PRKN: variants seen among roughly 807,000 people sequenced by gnomAD.
The protein encoded by PRKN is parkin RBR E3 ubiquitin protein ligase.
Under a neutral mutation model 59.5 loss-of-function variants are expected in PRKN, and 56 were observed. The observed-to-expected ratio is 0.94, with a 90% CI of 0.76 to 1.18. The LOEUF (loss-of-function observed/expected upper bound fraction) is 1.18, where lower values mean the gene tolerates loss of function less well. Ranked by LOEUF, PRKN falls within the 50% of genes most tolerant of loss-of-function variation. PRKN has a pLI of 0.00. For synonymous variants in PRKN, 250 were observed against 222.1 expected, an observed-to-expected ratio of 1.13 and a Z score of -1.12; for missense variants, 657 against 596.4, an observed-to-expected ratio of 1.10 and a Z score of -1.06.
At chr6:162,622,272 T>A (rs1338817468) in intron 1 of PRKN, among the ~76,000 whole-genome samples, 1 of 151,778 alleles carries the variant, frequency 6.6e-6, no homozygotes, top group African/African-American at 2.4e-5. Context: ...TTTACAGCTA[T>A]TATTTCCTTT....
intron 6 of PRKN, among the ~76,000 whole-genome samples, chr6:161,836,730 A>G (rs1792771973): frequency 1.3e-5 from 2 of 152,174 alleles, no homozygotes; most frequent in Non-Finnish European, 2.9e-5. Context: ...TGCAAACTAG[A>G]AGCCCCTCGT....
At chr6:162,275,865 T>C (rs1002436159) in intron 2 of PRKN, among the ~76,000 whole-genome samples, 7 of 152,126 alleles carry the variant, frequency 4.6e-5, no homozygotes, top group African/African-American at 7.2e-5. Flanking sequence ...TTGGTGGTTA[T>C]CTATAGCTAA....
chr6:161,598,397 G>C (rs149950686), intron 7 of PRKN, among the ~76,000 whole-genome samples: 2 of 152,288 alleles, frequency 1.3e-5, no homozygotes, highest in Admixed American at 6.5e-5. Flanking sequence ...AATTATAAGA[G>C]AGAGAAAAGA....
intron 6 of PRKN, among the ~76,000 whole-genome samples, chr6:161,929,380 T>G (rs1366015838): frequency 6.6e-6 from 1 of 152,148 alleles, no homozygotes; most frequent in Non-Finnish European, 1.5e-5. Context: ...AACTGCTTAA[T>G]GTGTATGGAG....
rs1272633874 is a variant in PRKN, at chr6:161,499,991, G to T, written c.1083+48863C>A. On this transcript the variant is annotated intron_variant, in intron 9 of 11. Coordinates refer to ENST00000366898, the MANE Select transcript of PRKN (RefSeq NM_004562.3). This position sits in a 1 kb window ranked among gnomAD's most constrained non-coding sequence, Gnocchi z 4.2. ...CTCACTCTCCTCCTTCCCCACTTTT[G>T]TTCATGCAGTGTCTTTGCCAAAAGT... Among the ~76,000 whole-genome samples the T allele has an allele frequency of 6.6e-6, 1 of 152,098 alleles. No homozygotes were observed. The highest frequency in any genetic ancestry group is 2.4e-5 in the African/African-American group (1 of 41,406).
At chr6:162,521,650 T>A (rs1778081642) in intron 1 of PRKN, among the ~76,000 whole-genome samples, 1 of 152,164 alleles carries the variant, frequency 6.6e-6, no homozygotes, top group Non-Finnish European at 1.5e-5. Context: ...ATTTACATTA[T>A]AAGCATATTA....
chr6:162,061,783 C>A (rs1778116173), intron 4 of PRKN, among the ~76,000 whole-genome samples: 1 of 152,108 alleles, frequency 6.6e-6, no homozygotes, highest in Admixed American at 6.5e-5. Context: ...CTCTTAAACC[C>A]TGAGACTGCA....
intron 7 of PRKN, among the ~76,000 whole-genome samples, chr6:161,746,234 C>T (rs1275156934): frequency 2.0e-5 from 3 of 152,148 alleles, no homozygotes; most frequent in Non-Finnish European, 4.4e-5. Context: ...CATTGTGCCA[C>T]ACTGCCTTCT....
At chr6:161,936,245 T>C (rs1562401606) in intron 6 of PRKN, among the ~76,000 whole-genome samples, 1 of 150,890 alleles carries the variant, frequency 6.6e-6, no homozygotes, top group Non-Finnish European at 1.5e-5. Flanking sequence ...AGTCTCGCTC[T>C]GTCACCCAGG....
intron 3 of PRKN, among the ~76,000 whole-genome samples, chr6:162,235,937 G>GAAAGAAA: frequency 1.2e-5 from 1 of 82,012 alleles, no homozygotes; most frequent in African/African-American, 7.4e-5. Context: ...AAGGAAGGAA[G>GAAAGAAA]GAAGGAAGGA....
intron 9 of PRKN, among the ~76,000 whole-genome samples, chr6:161,472,154 G>A (rs565187641): frequency 2.6e-5 from 4 of 152,280 alleles, no homozygotes; most frequent in African/African-American, 9.6e-5. Context: ...TTCACAGAAG[G>A]ACTAAGGCTT....
chr6:162,354,085 GAATTT>G (rs1458388388), intron 2 of PRKN, among the ~76,000 whole-genome samples: 4 of 152,182 alleles, frequency 2.6e-5, no homozygotes, highest in Admixed American at 6.5e-5. Context: ...TATTTGTCTA[GAATTT>G]AATTCTGCAG....
chr6:162,459,885 G>A (rs1292780682), intron 1 of PRKN, among the ~76,000 whole-genome samples: 1 of 152,130 alleles, frequency 6.6e-6, no homozygotes, highest in African/African-American at 2.4e-5. Flanking sequence ...CAACAGATAG[G>A]GAGAAGGTGG....
chr6:161,902,900 C>A (rs940526487), intron 6 of PRKN, among the ~76,000 whole-genome samples: 1 of 152,088 alleles, frequency 6.6e-6, no homozygotes. Context: ...TAAGGCACAG[C>A]GTTAGGGAAA....
intron 6 of PRKN, among the ~76,000 whole-genome samples, chr6:161,800,037 C>T (rs906116749): frequency 6.6e-6 from 1 of 152,108 alleles, no homozygotes; most frequent in African/African-American, 2.4e-5. Context: ...GAATTCAGCG[C>T]TTGGACAATG....
intron 5 of PRKN, among the ~76,000 whole-genome samples, chr6:162,005,480 C>T (rs187539097): frequency 2.6e-4 from 40 of 152,116 alleles, no homozygotes; most frequent in African/African-American, 9.2e-4. Flanking sequence ...CAACTCAACT[C>T]TCAATCCACC....
At position 161,526,076 on chromosome 6, in the gene PRKN, T is replaced by C. The variant is rs1233014520; in HGVS notation, c.1083+22778A>G. Among the ~76,000 whole-genome samples, 1 of 152,148 alleles carries C rather than the reference T, an allele frequency of 6.6e-6. No homozygotes were observed. The highest frequency in any genetic ancestry group is 1.5e-5 in the Non-Finnish European group (1 of 68,036). On this transcript the variant is annotated intron_variant, in intron 9 of 11. Transcript: ENST00000366898. The surrounding 1 kb of genome is among the most constrained non-coding windows in gnomAD (Gnocchi z 4.1). ...CCACTGCTTGAATACAATTAAATGATCACTCACATATAATAGTGGGCTGAT... is the reference window on the plus strand; with the variant it reads ...CCACTGCTTGAATACAATTAAATGACCACTCACATATAATAGTGGGCTGAT...
At chr6:162,293,338 A>G (rs774125870) in intron 2 of PRKN, among the ~76,000 whole-genome samples, 1 of 152,202 alleles carries the variant, frequency 6.6e-6, no homozygotes, top group Non-Finnish European at 1.5e-5. Flanking sequence ...CCCAAGTTTT[A>G]ATTTATAAGA....
At chr6:162,304,313 A>G (rs1383002550) in intron 2 of PRKN, among the ~76,000 whole-genome samples, 1 of 150,686 alleles carries the variant, frequency 6.6e-6, no homozygotes, top group Non-Finnish European at 1.5e-5. Context: ...AGAAATGGAA[A>G]CTTCACTGTA....
Sources: gnomAD v4.1 joint callset for allele counts (sites outside exome capture counted in the v4.1 genomes callset) on GRCh38, gnomAD v4.1.1 for gene constraint, Gnocchi (gnomAD v3.1) non-coding constraint, MANE v1.5 for transcripts, NCBI Gene and HGNC (gene_info 2026-07-23, HGNC 2026-07-21) for gene names.